The following SIPA1L2 variants were observed in gnomAD, a reference collection of about 807,000 sequenced individuals.
The protein encoded by SIPA1L2 is signal-induced proliferation-associated 1-like protein 2.
A neutral mutation model predicts 163.9 loss-of-function variants in SIPA1L2; 56 were observed. The observed-to-expected ratio is 0.34, with a 90% CI of 0.28 to 0.43. The LOEUF (loss-of-function observed/expected upper bound fraction) is 0.43, where lower values mean the gene tolerates loss of function less well. SIPA1L2 is among the 20% of genes least tolerant of loss of function. The pLI is 1.00. For synonymous variants in SIPA1L2, 877 were observed against 865.7 expected, an observed-to-expected ratio of 1.01 and a Z score of -0.23; for missense variants, 1,974 against 2,193.5, an observed-to-expected ratio of 0.90 and a Z score of 2.00.
chr1:232,607,760 T>TAA lies in SIPA1L2; in HGVS notation c.-319+22107_-319+22108dup, dbSNP rs1267584055. Among the ~76,000 whole-genome samples the TAA allele has an allele frequency of 1.1e-4, 16 of 148,258 alleles. No homozygotes were observed. The East Asian group carries it at 3.0e-3, about 28-fold the overall frequency. On this transcript the variant is annotated intron_variant, in intron 1 of 22. Coordinates refer to ENST00000674635, the MANE Select transcript of SIPA1L2 (RefSeq NM_020808.5). Reference sequence around the variant, plus strand: ...TATTTCCCATATTTCACCTCTTTTTTAAAAAAAAAAAAACGCCGGGCACAG... The same window carrying TAA: ...TATTTCCCATATTTCACCTCTTTTTTAAAAAAAAAAAAAAACGCCGGGCACAG...
chr1:232,591,729 GGA>G (rs1259883338), intron 1 of SIPA1L2, among the ~76,000 whole-genome samples: 1 of 152,252 alleles, frequency 6.6e-6, no homozygotes, highest in African/African-American at 2.4e-5. Context: ...CTTATGACAA[GGA>G]GAGAGGAAAA....
At chr1:232,519,063 A>G (rs183114979) in intron 2 of SIPA1L2, among the ~76,000 whole-genome samples, 1 of 152,310 alleles carries the variant, frequency 6.6e-6, no homozygotes, top group East Asian at 1.9e-4. Context: ...TTTGCAGGAC[A>G]CTGTTTGCTC....
chr1:232,412,632 CAG>C (rs2102769871), intron 19 of SIPA1L2, among the ~76,000 whole-genome samples: 1 of 152,214 alleles, frequency 6.6e-6, no homozygotes, highest in Admixed American at 6.5e-5. Flanking sequence ...ACTCACGAGA[CAG>C]GGGAGCAGGT....
chr1:232,415,491 T>C lies in SIPA1L2; in HGVS notation c.4762+3A>G. On this transcript the variant is annotated splice_donor_region_variant and intron_variant, in intron 19 of 22. Transcript: ENST00000674635. The stretch of plus-strand genomic sequence containing the variant: ...GTGAGGCCAGAGGCTGGTGAGTCTT[T>C]ACCTTCAAATGCCCGTGCAGCATCC... 1 of 1,607,458 alleles carries C rather than the reference T, an allele frequency of 6.2e-7. No homozygotes were observed. Among genetic ancestry groups the C allele is most frequent in the Non-Finnish European group, 8.5e-7 (1 of 1,177,298 alleles).
intron 2 of SIPA1L2, among the ~76,000 whole-genome samples, chr1:232,517,371 T>C (rs1573015367): frequency 6.6e-6 from 1 of 152,214 alleles, no homozygotes; most frequent in South Asian, 2.1e-4. Flanking sequence ...GTTAACAGAC[T>C]GACCACCTTG....
rs1661201013 is a variant in SIPA1L2, at chr1:232,415,602, A to G, written c.4654T>C (p.Ser1552Pro). 1 of 1,614,060 alleles carries G rather than the reference A, an allele frequency of 6.2e-7. No individual in the cohort carries two copies. Among genetic ancestry groups the G allele is most frequent in the Non-Finnish European group, 8.5e-7 (1 of 1,179,968 alleles). ...LRNEFWFSDG[S>P]LSDKSKCADP... ...GCGCACTTGGACTTATCTGATAAGGACCCATCGGAGAACCAGAACTCATCT... is the reference window on the plus strand; with the variant it reads ...GCGCACTTGGACTTATCTGATAAGGGCCCATCGGAGAACCAGAACTCATCT... The change falls in exon 19 of 23, where the codon TCC becomes CCC. Residue 1552 changes from serine (S) to proline (P), a missense_variant. This residue lies in a region of SIPA1L2 where 1,079 missense variants were observed against 1,150.7 expected (regional missense o/e 0.94). Coordinates refer to ENST00000674635, the MANE Select transcript of SIPA1L2 (RefSeq NM_020808.5).
rs1666008436 is a variant in SIPA1L2, at chr1:232,493,024, G to T, written c.1617+503C>A. 2.0e-5 allele frequency among the ~76,000 whole-genome samples: 3 copies of T among 148,270 alleles called. No individual in the cohort carries two copies. The South Asian group carries it at 6.5e-4, about 32-fold the overall frequency. On this transcript the variant is annotated intron_variant, in intron 4 of 22. Transcript: ENST00000674635. Reference sequence around the variant, plus strand: ...CAAATTGGAGAAGAGGCCTCGTAGGGGTGATTGGATCACAGAGGTTGAATT... The same window carrying T: ...CAAATTGGAGAAGAGGCCTCGTAGGTGTGATTGGATCACAGAGGTTGAATT...
chr1:232,526,196 C>T (rs530966142), intron 2 of SIPA1L2, among the ~76,000 whole-genome samples: 3 of 152,302 alleles, frequency 2.0e-5, no homozygotes, highest in African/African-American at 7.2e-5. Flanking sequence ...GACTGTGCTG[C>T]AGGAAAACAC....
chr1:232,398,466 G>A lies in SIPA1L2; in HGVS notation c.*661C>T, dbSNP rs1420723468. Reference sequence around the variant, plus strand: ...TGTATCTTTTTTTTGTTTTTAATCAGAACACTGTTAATATTCAGGCACCAT... The same window carrying A: ...TGTATCTTTTTTTTGTTTTTAATCAAAACACTGTTAATATTCAGGCACCAT... On this transcript the variant is annotated 3_prime_UTR_variant, in exon 23 of 23. Coordinates refer to ENST00000674635, the MANE Select transcript of SIPA1L2 (RefSeq NM_020808.5). 6.6e-6 allele frequency: 1 copy of A among 152,278 alleles called. No individual in the cohort carries two copies. Among genetic ancestry groups the A allele is most frequent in the East Asian group, 1.9e-4 (1 of 5,166 alleles). The allele number at this position is 152,278 out of a possible 1,614,324, so 9.4% of individuals were successfully genotyped here.
At chr1:232,484,013 A>T (rs1289287550) in intron 5 of SIPA1L2, 47 bp from the exon 6 acceptor site, 1 of 1,543,326 alleles carries the variant, frequency 6.5e-7, no homozygotes, top group Non-Finnish European at 8.8e-7. Context: ...ATATCAGACA[A>T]GCTAACTTCC....
intron 1 of SIPA1L2, among the ~76,000 whole-genome samples, chr1:232,597,335 C>T (rs980050321): frequency 2.0e-5 from 3 of 152,000 alleles, no homozygotes; most frequent in Non-Finnish European, 4.4e-5. Flanking sequence ...GGCCAGGTGA[C>T]AGCAGCCTCT....
chr1:232,558,946 T>C (rs987649698), intron 2 of SIPA1L2, among the ~76,000 whole-genome samples: 1 of 152,238 alleles, frequency 6.6e-6, no homozygotes, highest in African/African-American at 2.4e-5. Flanking sequence ...AAATTAATAC[T>C]GCTTTTGCAG....
At chr1:232,543,450 C>G (rs998866291) in intron 2 of SIPA1L2, among the ~76,000 whole-genome samples, 1 of 136,518 alleles carries the variant, frequency 7.3e-6, no homozygotes, top group Non-Finnish European at 1.6e-5. Flanking sequence ...CTTTCTCTTC[C>G]TCTTCTGCCT....
At chr1:232,402,286 T>C in intron 22 of SIPA1L2, 106 bp downstream of exon 22, 2 of 911,116 alleles carry the variant, frequency 2.2e-6, no homozygotes, top group African/African-American at 1.7e-5. Context: ...TTGGTTTTTG[T>C]GTAAGGCAGT....
At chr1:232,476,970 C>G (rs769865856) in intron 7 of SIPA1L2, among the ~76,000 whole-genome samples, 2 of 152,176 alleles carry the variant, frequency 1.3e-5, no homozygotes, top group Non-Finnish European at 2.9e-5. Flanking sequence ...ATGAACCCAG[C>G]TGGTCATTTC....
intron 7 of SIPA1L2, among the ~76,000 whole-genome samples, chr1:232,473,464 AC>A (rs1458194590): frequency 6.6e-6 from 1 of 151,308 alleles, no homozygotes; most frequent in Non-Finnish European, 1.5e-5. Context: ...TCCATTAAAC[AC>A]AGGGTGCAGG....
chr1:232,467,014 A>G (rs1301068157), intron 8 of SIPA1L2, among the ~76,000 whole-genome samples: 1 of 152,192 alleles, frequency 6.6e-6, no homozygotes, highest in Non-Finnish European at 1.5e-5. Flanking sequence ...AAAATTCTAA[A>G]AAAGGTAAAT....
At chr1:232,444,160 T>C (rs974560282) in intron 11 of SIPA1L2, among the ~76,000 whole-genome samples, 1 of 152,216 alleles carries the variant, frequency 6.6e-6, no homozygotes, top group Non-Finnish European at 1.5e-5. Flanking sequence ...TCCTATTTTA[T>C]CTTTTTTTCA....
At position 232,592,886 on chromosome 1, in the gene SIPA1L2, G is replaced by A. The variant is rs1661038240; in HGVS notation, c.-318-18664C>T. ...TTTCATAGTCTTCTGCTGTACGACT[G>A]GAAAAATGGAAGAAGGGGAAATTAG... is the stretch of plus-strand genomic sequence containing the variant. On this transcript the variant is annotated intron_variant, in intron 1 of 22. Coordinates refer to ENST00000674635, the MANE Select transcript of SIPA1L2 (RefSeq NM_020808.5). Among the ~76,000 whole-genome samples the A allele has an allele frequency of 2.0e-5, 3 of 151,534 alleles. No homozygotes were observed. In the South Asian group the frequency reaches 6.2e-4, roughly 32 times the overall value.
Sources: gnomAD v4.1 joint callset for allele counts (sites outside exome capture counted in the v4.1 genomes callset) on GRCh38, gnomAD v4.1.1 for gene constraint, gnomAD v4.1.1 regional missense constraint, MANE v1.5 for transcripts, NCBI Gene and HGNC (gene_info 2026-07-23, HGNC 2026-07-21) for gene names.